The following EPB41L4B variants were observed in gnomAD, a reference collection of about 807,000 sequenced individuals.
EPB41L4B encodes the protein band 4.1-like protein 4B.
In EPB41L4B, 30 loss-of-function variants were observed where a neutral mutation model predicts 112.5. The ratio of observed to expected loss-of-function variants is 0.27; its 90% CI spans 0.20 to 0.36. The LOEUF is 0.36. EPB41L4B is among the 10% of genes least tolerant of loss of function. The pLI is 1.00. For missense variants in EPB41L4B, 1,024 were observed against 1,133.3 expected (o/e 0.90, Z 1.38); for synonymous variants, 408 against 439.7 (o/e 0.93, Z 0.90).
intron 15 of EPB41L4B, among the ~76,000 whole-genome samples, chr9:109,242,990 T>A (rs150713300): frequency 2.6e-5 from 4 of 152,128 alleles, no homozygotes; most frequent in Admixed American, 2.0e-4. Flanking sequence ...CCACTGTTTT[T>A]CTAAATCAGT....
intron 21 of EPB41L4B, among the ~76,000 whole-genome samples, chr9:109,193,240 G>A (rs1053536504): frequency 6.6e-6 from 1 of 152,220 alleles, no homozygotes; most frequent in Non-Finnish European, 1.5e-5. Context: ...TATTTCCAGA[G>A]ACACCCAGGG....
rs1453108045 is a variant in EPB41L4B at position 109,177,174 on chromosome 9, T to C, written c.2488-478A>G. 2.0e-5 allele frequency among the ~76,000 whole-genome samples: 3 copies of C among 152,350 alleles called. No homozygotes were observed. The East Asian group carries it at 5.8e-4, about 29-fold the overall frequency. On this transcript the variant is annotated intron_variant, in intron 24 of 25. Coordinates refer to ENST00000374566, the MANE Select transcript of EPB41L4B (RefSeq NM_019114.5). ...AGTTAGTAAGTGTTAAGAACAGTAC[T>C]GAGAACCAGGGCTAGCTGACACCAT...
At chr9:109,179,573 CA>C (rs1564246659) in intron 24 of EPB41L4B, among the ~76,000 whole-genome samples, 8 of 152,132 alleles carry the variant, frequency 5.3e-5, no homozygotes, top group Non-Finnish European at 1.0e-4. Flanking sequence ...TCATTGTGTC[CA>C]CCTGGATGTT....
intron 15 of EPB41L4B, among the ~76,000 whole-genome samples, chr9:109,231,479 T>C (rs1016152511): frequency 6.6e-6 from 1 of 152,226 alleles, no homozygotes; most frequent in Non-Finnish European, 1.5e-5. Context: ...AGGTAATTTA[T>C]CAAATATCTA....
intron 17 of EPB41L4B, among the ~76,000 whole-genome samples, chr9:109,209,052 G>C (rs1833073029): frequency 6.6e-6 from 1 of 152,164 alleles, no homozygotes. Flanking sequence ...CAGCCACCAT[G>C]CACCAGAGCA....
rs768294977 is a variant in EPB41L4B at position 109,297,057 on chromosome 9, G to GT, written c.307-17137dup. On this transcript the variant is annotated intron_variant, in intron 1 of 25. Coordinates refer to ENST00000374566, the MANE Select transcript of EPB41L4B (RefSeq NM_019114.5). ...AAAGAGGTAACTAAGCTGAAGTGAAGTTGTTAGAATGACCCTAATCCAATC... is the reference window on the plus strand; with the variant it reads ...AAAGAGGTAACTAAGCTGAAGTGAAGTTTGTTAGAATGACCCTAATCCAATC... Among the ~76,000 whole-genome samples, 3 of 151,976 alleles carry GT rather than the reference G, an allele frequency of 2.0e-5. No homozygotes were observed. The East Asian group carries it at 5.8e-4, about 29-fold the overall frequency.
Position 109,320,550 on chromosome 9 carries a change from T to A in EPB41L4B, c.-104A>T. 1.6e-6 allele frequency: 1 copy of A among 613,128 alleles called. No homozygotes were observed. The highest frequency in any genetic ancestry group is 2.0e-6 in the Non-Finnish European group (1 of 494,586). 38.0% of individuals were successfully genotyped at this position (613,128 alleles called of 1,614,324 possible). On this transcript the variant is annotated 5_prime_UTR_variant, in exon 1 of 26. Transcript: ENST00000374566. Reference sequence around the variant, plus strand: ...GCGTCCCGCGACGCCGTCAGTGCCCTCGGCCGCCCGCGCCGCCTCTCGCGG... The same window carrying A: ...GCGTCCCGCGACGCCGTCAGTGCCCACGGCCGCCCGCGCCGCCTCTCGCGG...
intron 25 of EPB41L4B, 88 bp from the exon 26 acceptor site, chr9:109,174,711 C>G (rs1831750878): frequency 1.8e-6 from 2 of 1,116,734 alleles, no homozygotes; most frequent in Non-Finnish European, 2.7e-6. Flanking sequence ...CAGGTTCTTT[C>G]CTGATCTCAG....
At chr9:109,276,093 A>ATATATGTGTATCTATATACACATATATAG (rs1202667771) in intron 2 of EPB41L4B, among the ~76,000 whole-genome samples, 1 of 148,058 alleles carries the variant, frequency 6.8e-6, no homozygotes, top group African/African-American at 2.5e-5. Flanking sequence ...CATATATATT[A>ATATATGTGTATCTATATACACATATATAG]TATATGTGTA....
chr9:109,187,047 G>T (rs1183797187), intron 22 of EPB41L4B, among the ~76,000 whole-genome samples: 3 of 152,204 alleles, frequency 2.0e-5, no homozygotes, highest in Non-Finnish European at 4.4e-5. Context: ...TGAGGATGAG[G>T]TTGGAGGACA....
At chr9:109,175,163 TG>T (rs1270240478) in intron 25 of EPB41L4B, among the ~76,000 whole-genome samples, 7 of 151,724 alleles carry the variant, frequency 4.6e-5, no homozygotes, top group African/African-American at 1.7e-4. Flanking sequence ...GCAATCCACT[TG>T]CCTCGACCTC....
chr9:109,176,654 T>C lies in EPB41L4B; in HGVS notation c.2530A>G (p.Thr844Ala). Residue 844 changes from threonine (T) to alanine (A), a missense_variant, in exon 25 of 26, where the codon ACT becomes GCT. Transcript: ENST00000374566. ...GTCGCTGCTGGGATCAGCGGGGAAG[T>C]CGGGCCAGGACAGCACTGTAATTTA... ...DSKLQCCPGPTSPLIPAATLR... is the reference protein window; with the variant it reads ...DSKLQCCPGPASPLIPAATLR... 6.2e-7 allele frequency: 1 copy of C among 1,613,984 alleles called. No homozygotes were observed. The highest frequency in any genetic ancestry group is 8.5e-7 in the Non-Finnish European group (1 of 1,179,946).
intron 24 of EPB41L4B, among the ~76,000 whole-genome samples, chr9:109,179,574 A>C (rs885505): frequency 0.34 from 50,917 of 151,944 alleles, 8,888 homozygotes; most frequent in Middle Eastern, 0.42. Flanking sequence ...CATTGTGTCC[A>C]CCTGGATGTT....
intron 6 of EPB41L4B, 136 bp downstream of exon 6, chr9:109,262,914 C>G: frequency 1.6e-6 from 1 of 624,394 alleles, no homozygotes; most frequent in South Asian, 2.3e-5. Context: ...CTGCACGCCA[C>G]TTGGGGACAG....
rs61104292 is a variant in EPB41L4B, at chr9:109,214,973, G to A, written c.1634-1155C>T. ...ATATACAAAGATGAGGCAGGGACTA[G>A]GGCATGGGCAGTGTGGATAGTGATG... is the stretch of plus-strand genomic sequence containing the variant. On this transcript the variant is annotated intron_variant, in intron 16 of 25. Coordinates refer to ENST00000374566, the MANE Select transcript of EPB41L4B (RefSeq NM_019114.5). Among the ~76,000 whole-genome samples the A allele has an allele frequency of 8.9e-3, 1,349 of 152,260 alleles. 26 individuals are homozygous for A. Among genetic ancestry groups the A allele is most frequent in the African/African-American group, 0.031 (1,283 of 41,552 alleles).
At chr9:109,184,565 T>C (rs1470281124) in intron 23 of EPB41L4B, among the ~76,000 whole-genome samples, 1 of 152,232 alleles carries the variant, frequency 6.6e-6, no homozygotes, top group African/African-American at 2.4e-5. Flanking sequence ...AAGTTAGCAA[T>C]CTCAAAGAAT....
At chr9:109,246,438 G>A (rs187598448) in intron 14 of EPB41L4B, among the ~76,000 whole-genome samples, 11 of 152,244 alleles carry the variant, frequency 7.2e-5, no homozygotes, top group East Asian at 1.9e-4. Context: ...GGGATTACAC[G>A]CATGAGCCAC....
rs570806247 is a variant in EPB41L4B, at chr9:109,307,021, T to TG, written c.306+13119_306+13120insC. On this transcript the variant is annotated intron_variant, in intron 1 of 25. Transcript: ENST00000374566. ...CACTAGATGTGCTGCAGTTGTTTTT[T>TG]TTTTTTTTTTTTTCTTCAAGAAATA... 4.0e-5 allele frequency among the ~76,000 whole-genome samples: 6 copies of TG among 151,330 alleles called. 1 individual carries two copies. The South Asian group carries it at 6.3e-4, about 16-fold the overall frequency.
intron 6 of EPB41L4B, 138 bp from the exon 7 acceptor site, chr9:109,258,435 G>T: frequency 1.2e-6 from 1 of 810,456 alleles, no homozygotes; most frequent in Non-Finnish European, 1.9e-6. Flanking sequence ...CTTTCGGGAA[G>T]ACTTAACTCT....
Sources: allele counts gnomAD v4.1 joint callset (sites outside exome capture counted in the v4.1 genomes callset), GRCh38; gene constraint gnomAD v4.1.1; transcripts MANE v1.5; gene names NCBI Gene and HGNC (gene_info 2026-07-23, HGNC 2026-07-21).